The following GLIS3 variants were observed in gnomAD, a reference collection of about 807,000 sequenced individuals.
GLIS3 encodes zinc finger protein GLIS3.
In GLIS3, 53 loss-of-function variants were observed where a neutral mutation model predicts 78.6. The observed-to-expected ratio is 0.67, with a 90% CI of 0.54 to 0.85. The LOEUF is 0.85. Among genes scored for constraint, GLIS3 ranks in the 40% least tolerant of loss-of-function variants. The pLI, the probability that GLIS3 is intolerant of heterozygous loss-of-function variation, is 0.00. For missense variants in GLIS3, 1,703 were observed against 1,231.1 expected (o/e 1.38, Z -5.74); for synonymous variants, 684 against 509.9 (o/e 1.34, Z -4.60).
At chr9:3,954,963 A>C (rs1309698833) in intron 4 of GLIS3, among the ~76,000 whole-genome samples, 14 of 152,256 alleles carry the variant, frequency 9.2e-5, no homozygotes, top group Non-Finnish European at 1.5e-5. Context: ...CCGGTGGATA[A>C]AAATAAATAA....
At chr9:4,243,984 A>G (rs1823567551) in intron 2 of GLIS3, among the ~76,000 whole-genome samples, 1 of 152,190 alleles carries the variant, frequency 6.6e-6, no homozygotes, top group Non-Finnish European at 1.5e-5. Context: ...TGCTGAGAAC[A>G]TCTGGCCATT....
At chr9:4,400,116 G>T in the GLIS3 span, among the ~76,000 whole-genome samples, 1 of 152,160 alleles carries the variant, frequency 6.6e-6, no homozygotes, top group East Asian at 1.9e-4. Flanking sequence ...TATCATTGGT[G>T]TTTTCAACAC....
At chr9:4,259,276 T>TA in intron 2 of GLIS3, among the ~76,000 whole-genome samples, 1 of 151,164 alleles carries the variant, frequency 6.6e-6, no homozygotes, top group African/African-American at 2.4e-5. Flanking sequence ...TTTATTTATA[T>TA]TTTCTAAGAG....
At chr9:4,260,610 G>T (rs1473547256) in intron 2 of GLIS3, among the ~76,000 whole-genome samples, 1 of 151,606 alleles carries the variant, frequency 6.6e-6, no homozygotes, top group Non-Finnish European at 1.5e-5. Context: ...GCTGGCCATG[G>T]TGGTGCATAC....
At chr9:4,245,458 C>G (rs1238549522) in intron 2 of GLIS3, among the ~76,000 whole-genome samples, 1 of 152,188 alleles carries the variant, frequency 6.6e-6, no homozygotes, top group Non-Finnish European at 1.5e-5. Context: ...AACACTAGAC[C>G]TACTTACTTC....
intron 4 of GLIS3, among the ~76,000 whole-genome samples, chr9:3,942,572 T>C (rs1229644341): frequency 6.6e-6 from 1 of 152,198 alleles, no homozygotes; most frequent in Non-Finnish European, 1.5e-5. Flanking sequence ...AAAAGGATGG[T>C]CAAAGGGCCA....
the GLIS3 span, among the ~76,000 whole-genome samples, chr9:4,474,985 A>ATTT: frequency 0.01 from 1,148 of 114,300 alleles, 119 homozygotes; most frequent in African/African-American, 0.032. Context: ...GACTATGTTA[A>ATTT]TTTTTTTTTC....
intron 4 of GLIS3, among the ~76,000 whole-genome samples, chr9:4,013,439 TTGTC>T (rs1161083457): frequency 6.6e-6 from 1 of 152,238 alleles, no homozygotes; most frequent in Non-Finnish European, 1.5e-5. Flanking sequence ...ATATAATCAA[TTGTC>T]TGTCCTTGGA....
intron 4 of GLIS3, among the ~76,000 whole-genome samples, chr9:3,993,834 T>G (rs1425125735): frequency 6.6e-6 from 1 of 152,214 alleles, no homozygotes; most frequent in East Asian, 1.9e-4. Flanking sequence ...TCACAAAAAT[T>G]GTCATTTTTT....
At chr9:4,343,744 A>G (rs1033389158) in intron 2 of GLIS3, among the ~76,000 whole-genome samples, 1 of 152,212 alleles carries the variant, frequency 6.6e-6, no homozygotes, top group Non-Finnish European at 1.5e-5. Context: ...TAAAAAAACA[A>G]TGAGATCTTG....
intron 1 of GLIS3, among the ~76,000 whole-genome samples, chr9:4,293,881 G>C (rs1271758307): frequency 6.6e-6 from 1 of 152,214 alleles, no homozygotes; most frequent in Non-Finnish European, 1.5e-5. Context: ...GATCATGTCA[G>C]ACAAGGGTGG....
At chr9:4,101,741 A>G (rs1830387699) in intron 4 of GLIS3, among the ~76,000 whole-genome samples, 1 of 152,174 alleles carries the variant, frequency 6.6e-6, no homozygotes, top group Admixed American at 6.5e-5. Flanking sequence ...ATAGTTGTAG[A>G]TCTCAAGCTT....
At chr9:4,240,203 G>T (rs940606715) in intron 2 of GLIS3, among the ~76,000 whole-genome samples, 1 of 151,684 alleles carries the variant, frequency 6.6e-6, no homozygotes, top group East Asian at 1.9e-4. Flanking sequence ...GGTGGGGGGG[G>T]GGGATGGTTT....
chr9:4,202,164 T>TA (rs1027799272), intron 2 of GLIS3, among the ~76,000 whole-genome samples: 2 of 148,680 alleles, frequency 1.3e-5, no homozygotes, highest in Non-Finnish European at 3.0e-5. Flanking sequence ...TTTTTTTTTT[T>TA]TTTTGAGACG....
At chr9:4,260,290 G>C (rs956498160) in intron 2 of GLIS3, among the ~76,000 whole-genome samples, 12 of 152,110 alleles carry the variant, frequency 7.9e-5, no homozygotes, top group African/African-American at 2.9e-4. Flanking sequence ...AATTAGGCCG[G>C]GCACAGTGGC....
At chr9:3,932,331 C>T (rs1359971508) in intron 6 of GLIS3, 29 bp downstream of exon 6, 1 of 1,528,864 alleles carries the variant, frequency 6.5e-7, no homozygotes. Context: ...CATGCTTTTC[C>T]CGACTGGAAG....
the GLIS3 span, among the ~76,000 whole-genome samples, chr9:4,408,654 GA>G: frequency 7.0e-6 from 1 of 142,728 alleles, no homozygotes; most frequent in African/African-American, 2.7e-5. Flanking sequence ...GTGAACCCGG[GA>G]GGCGGAGCTT....
At chr9:4,100,713 G>A (rs1830306642) in intron 4 of GLIS3, among the ~76,000 whole-genome samples, 1 of 152,208 alleles carries the variant, frequency 6.6e-6, no homozygotes, top group East Asian at 1.9e-4. Flanking sequence ...AGTGTTCTAA[G>A]TGGTATAATA....
At chr9:4,413,270 T>C in the GLIS3 span, among the ~76,000 whole-genome samples, 42 of 152,188 alleles carry the variant, frequency 2.8e-4, no homozygotes, top group Admixed American at 4.6e-4. Context: ...AGATTGTATA[T>C]GGCCATACCC....
Sources: allele counts gnomAD v4.1 joint callset (sites outside exome capture counted in the v4.1 genomes callset), GRCh38; gene constraint gnomAD v4.1.1; transcripts MANE v1.5; gene names NCBI Gene and HGNC (gene_info 2026-07-23, HGNC 2026-07-21).